The following ERGIC1 variants were observed in gnomAD, a reference collection of about 807,000 sequenced individuals.
ERGIC1 encodes endoplasmic reticulum-Golgi intermediate compartment protein 1.
ERGIC1 carries 19 observed loss-of-function variants against 38.3 expected under a neutral mutation model. The observed-to-expected ratio is 0.50, with a 90% CI of 0.35 to 0.73. The LOEUF (loss-of-function observed/expected upper bound fraction) is 0.73, where lower values mean the gene tolerates loss of function less well. Among genes scored for constraint, ERGIC1 ranks in the 30% least tolerant of loss-of-function variants. The pLI is 0.01. For missense variants in ERGIC1, 294 were observed against 389.2 expected (o/e 0.76, Z 2.06); for synonymous variants, 124 against 157.6 (o/e 0.79, Z 1.60).
chr5:172,893,935 G>GTGTGTGTGTGTGTGTGTATATATATATA (rs1429850022), intron 2 of ERGIC1, among the ~76,000 whole-genome samples: 2 of 42,834 alleles, frequency 4.7e-5, no homozygotes, highest in African/African-American at 8.3e-5. Context: ...GTGTGTGTGT[G>GTGTGTGTGTGTGTGTGTATATATATATA]TATATATATA....
chr5:172,881,893 A>G (rs1442709716), intron 1 of ERGIC1, among the ~76,000 whole-genome samples: 2 of 152,122 alleles, frequency 1.3e-5, no homozygotes, highest in South Asian at 2.1e-4. Context: ...TCCCTCCTCC[A>G]TTCTCTTCAC....
intron 1 of ERGIC1, among the ~76,000 whole-genome samples, chr5:172,874,039 C>G (rs1762082856): frequency 6.6e-6 from 1 of 152,228 alleles, no homozygotes; most frequent in African/African-American, 2.4e-5. Context: ...CACCTCACCC[C>G]TCACCAGTTT....
chr5:172,932,145 C>T lies in ERGIC1; in HGVS notation c.542-291C>T, dbSNP rs565608976. Among the ~76,000 whole-genome samples, 6 of 152,314 alleles carry T rather than the reference C, an allele frequency of 3.9e-5. No homozygotes were observed. In the East Asian group the frequency reaches 9.7e-4, roughly 25 times the overall value. ...AAGTGCTGGGATTACAGGCGTGAGCCACCACGCCTGGCCAACACTCACTCT... is the reference window on the plus strand; with the variant it reads ...AAGTGCTGGGATTACAGGCGTGAGCTACCACGCCTGGCCAACACTCACTCT... On this transcript the variant is annotated intron_variant, in intron 7 of 9. Transcript: ENST00000393784.
chr5:172,929,287 A>G (rs1763726169), intron 7 of ERGIC1, among the ~76,000 whole-genome samples: 1 of 152,142 alleles, frequency 6.6e-6, no homozygotes, highest in Admixed American at 6.6e-5. Context: ...TACGCTGGTA[A>G]TTGCTGAAGT....
chr5:172,915,413 T>C, intron 5 of ERGIC1: 1 of 409,738 alleles, frequency 2.4e-6, no homozygotes, highest in South Asian at 2.0e-5. Context: ...GGATGCTAAG[T>C]GCAGTGATGA....
At chr5:172,903,998 C>T (rs1287493332) in intron 3 of ERGIC1, among the ~76,000 whole-genome samples, 2 of 150,068 alleles carry the variant, frequency 1.3e-5, no homozygotes, top group East Asian at 3.9e-4. Context: ...CATTGACTCA[C>T]ACTAACATAC....
intron 1 of ERGIC1, among the ~76,000 whole-genome samples, chr5:172,878,691 A>G (rs1408388949): frequency 6.6e-6 from 1 of 152,094 alleles, no homozygotes; most frequent in Non-Finnish European, 1.5e-5. Context: ...TAGTAGTATG[A>G]ATGTCAAGGT....
At chr5:172,939,318 CT>C (rs896526495) in intron 9 of ERGIC1, among the ~76,000 whole-genome samples, 59 of 152,316 alleles carry the variant, frequency 3.9e-4, no homozygotes, top group African/African-American at 1.4e-3. Context: ...GCGCCATCCC[CT>C]TTGTTTGGGA....
intron 5 of ERGIC1, among the ~76,000 whole-genome samples, chr5:172,920,868 G>A (rs1252622873): frequency 6.6e-6 from 1 of 152,220 alleles, no homozygotes; most frequent in African/African-American, 2.4e-5. Flanking sequence ...TACTCCCAGG[G>A]GTGGTCAGCA....
At chr5:172,874,755 G>A (rs562478767) in intron 1 of ERGIC1, among the ~76,000 whole-genome samples, 97 of 151,820 alleles carry the variant, frequency 6.4e-4, no homozygotes, top group Admixed American at 3.1e-3. Flanking sequence ...GCAAAACCCC[G>A]TCTCTACAAA....
At chr5:172,835,444 C>T (rs938599929) in intron 1 of ERGIC1, among the ~76,000 whole-genome samples, 3 of 151,744 alleles carry the variant, frequency 2.0e-5, no homozygotes, top group Non-Finnish European at 3.0e-5. Context: ...AAAATAAGGT[C>T]TCCGCTTGTG....
chr5:172,870,908 C>T (rs1273816692), intron 1 of ERGIC1, among the ~76,000 whole-genome samples: 1 of 152,184 alleles, frequency 6.6e-6, no homozygotes, highest in Non-Finnish European at 1.5e-5. Flanking sequence ...CCTGGCTCAG[C>T]GGGCCTTTTG....
chr5:172,947,205 G>T (rs1469605858), intron 9 of ERGIC1, among the ~76,000 whole-genome samples: 1 of 148,360 alleles, frequency 6.7e-6, no homozygotes, highest in Non-Finnish European at 1.5e-5. Context: ...AAAAAAGAAA[G>T]ACATGATCTT....
intron 1 of ERGIC1, among the ~76,000 whole-genome samples, chr5:172,856,355 A>G (rs1761547984): frequency 6.6e-6 from 1 of 152,262 alleles, no homozygotes; most frequent in African/African-American, 2.4e-5. Context: ...AAGGCCATGC[A>G]TGGAACAGTG....
At chr5:172,887,519 A>C (rs992277380) in intron 1 of ERGIC1, among the ~76,000 whole-genome samples, 1 of 152,228 alleles carries the variant, frequency 6.6e-6, no homozygotes, top group African/African-American at 2.4e-5. Context: ...CCGAGAGGTG[A>C]AGTCGTTTGC....
intron 9 of ERGIC1, chr5:172,936,360 C>T (rs1228333607): frequency 6.6e-6 from 1 of 152,304 alleles, no homozygotes; most frequent in Non-Finnish European, 1.5e-5. Context: ...CTAGATAGGA[C>T]AGAGCTCTCA....
At chr5:172,915,537 T>C (rs1241582758) in intron 5 of ERGIC1, 1 of 468,048 alleles carries the variant, frequency 2.1e-6, no homozygotes, top group East Asian at 7.0e-5. Flanking sequence ...CTTCAGATCC[T>C]AAGTCAAGTG....
intron 1 of ERGIC1, among the ~76,000 whole-genome samples, chr5:172,866,353 A>C (rs1396115018): frequency 6.6e-6 from 1 of 152,160 alleles, no homozygotes; most frequent in Non-Finnish European, 1.5e-5. Context: ...TTTTTCTCTC[A>C]TCTTGGACCT....
intron 1 of ERGIC1, among the ~76,000 whole-genome samples, chr5:172,847,577 G>A (rs993336593): frequency 3.3e-5 from 5 of 152,128 alleles, no homozygotes; most frequent in Admixed American, 2.0e-4. Flanking sequence ...GCAGTGGCAT[G>A]ATCTCGGCTC....
Sources: gnomAD v4.1 joint callset for allele counts (sites outside exome capture counted in the v4.1 genomes callset) on GRCh38, gnomAD v4.1.1 for gene constraint, MANE v1.5 for transcripts, NCBI Gene and HGNC (gene_info 2026-07-23, HGNC 2026-07-21) for gene names.